OSBPL9: variants seen among roughly 807,000 people sequenced by gnomAD.
OSBPL9 encodes the protein oxysterol-binding protein-related protein 9.
A neutral mutation model predicts 106.6 loss-of-function variants in OSBPL9; 40 were observed. The observed-to-expected ratio is 0.38, with a 90% confidence interval of 0.29 to 0.49. The LOEUF is 0.49. Among genes scored for constraint, OSBPL9 ranks in the 20% least tolerant of loss-of-function variants. The probability of loss-of-function intolerance (pLI) is 0.97; values close to 1 mark genes in which losing one functional copy is unlikely to be tolerated. For missense variants in OSBPL9, 609 were observed against 887.2 expected (o/e 0.69, Z 3.98); for synonymous variants, 269 against 295.4 (o/e 0.91, Z 0.92).
At chr1:51,597,042 T>C (rs1435167882) in intron 1 of OSBPL9, among the ~76,000 whole-genome samples, 1 of 152,106 alleles carries the variant, frequency 6.6e-6, no homozygotes, top group African/African-American at 2.4e-5. Context: ...TTGGTTGCCA[T>C]GTATTCATCT....
the OSBPL9 span, among the ~76,000 whole-genome samples, chr1:51,548,881 C>T: frequency 1.3e-5 from 2 of 152,172 alleles, no homozygotes; most frequent in African/African-American, 4.8e-5. Context: ...GTAGAGCATA[C>T]ATCTGAGCAA....
chr1:51,616,870 AC>A, upstream of OSBPL9: 1 of 554,224 alleles, frequency 1.8e-6, no homozygotes, highest in South Asian at 2.4e-5. Flanking sequence ...TAATCCCATG[AC>A]AGATTATAAA....
At chr1:51,762,833 G>C (rs1005602449) in intron 11 of OSBPL9, among the ~76,000 whole-genome samples, 1 of 152,204 alleles carries the variant, frequency 6.6e-6, no homozygotes, top group African/African-American at 2.4e-5. Context: ...GGCAGGTATT[G>C]CTTGTTTTTT....
chr1:51,662,550 C>T (rs1647285062), intron 2 of OSBPL9, among the ~76,000 whole-genome samples: 1 of 151,934 alleles, frequency 6.6e-6, no homozygotes, highest in South Asian at 2.1e-4. Flanking sequence ...TGTTGGGAGT[C>T]CTAGCCAATG....
the OSBPL9 span, among the ~76,000 whole-genome samples, chr1:51,526,635 A>T: frequency 6.6e-6 from 1 of 152,138 alleles, no homozygotes; most frequent in Admixed American, 6.5e-5. Flanking sequence ...CACAATCAAC[A>T]CTGGAAGCAA....
At chr1:51,590,619 C>CAAAAAAAAA (rs572208174) in intron 1 of OSBPL9, among the ~76,000 whole-genome samples, 30 of 51,344 alleles carry the variant, frequency 5.8e-4, no homozygotes, top group South Asian at 1.3e-3. Flanking sequence ...GACTCCGTCT[C>CAAAAAAAAA]AAAAAAAAAA....
At chr1:51,739,237 T>G (rs912702448) in intron 4 of OSBPL9, among the ~76,000 whole-genome samples, 1 of 151,976 alleles carries the variant, frequency 6.6e-6, no homozygotes, top group Non-Finnish European at 1.5e-5. Context: ...AGGACTAGGT[T>G]GATATCCCAA....
intron 3 of OSBPL9, among the ~76,000 whole-genome samples, chr1:51,671,551 G>A (rs1400302366): frequency 6.6e-6 from 1 of 152,040 alleles, no homozygotes; most frequent in Admixed American, 6.6e-5. Context: ...GGATACAGTG[G>A]TATACAAAAC....
chr1:51,678,149 C>T (rs1322357094), intron 3 of OSBPL9, among the ~76,000 whole-genome samples: 1 of 152,120 alleles, frequency 6.6e-6, no homozygotes, highest in African/African-American at 2.4e-5. Flanking sequence ...CACCACTGCA[C>T]TTCAGCCTGG....
At chr1:51,777,141 C>T (rs941079616) in intron 15 of OSBPL9, among the ~76,000 whole-genome samples, 4 of 152,098 alleles carry the variant, frequency 2.6e-5, no homozygotes, top group African/African-American at 7.2e-5. Flanking sequence ...CTCAAGAGCC[C>T]GTTAATAGGT....
At chr1:51,530,404 C>T in the OSBPL9 span, among the ~76,000 whole-genome samples, 1 of 151,696 alleles carries the variant, frequency 6.6e-6, no homozygotes, top group Non-Finnish European at 1.5e-5. Flanking sequence ...AATCATATAC[C>T]TGACAAGTGA....
At chr1:51,573,767 T>C (rs967229432), upstream of OSBPL9, among the ~76,000 whole-genome samples, 3 of 150,114 alleles carry the variant, frequency 2.0e-5, no homozygotes, top group African/African-American at 7.4e-5. Context: ...TGAGCCGAGA[T>C]TGCACCATTG....
At chr1:51,764,881 A>C (rs2149080927) in intron 11 of OSBPL9, among the ~76,000 whole-genome samples, 2 of 152,312 alleles carry the variant, frequency 1.3e-5, no homozygotes, top group Admixed American at 1.3e-4. Context: ...CATTGTGCCT[A>C]GCCTGGATTC....
chr1:51,643,303 A>G (rs549804956), intron 1 of OSBPL9, among the ~76,000 whole-genome samples: 1 of 152,196 alleles, frequency 6.6e-6, no homozygotes, highest in African/African-American at 2.4e-5. Context: ...GTATTATGGG[A>G]AAAAAAGGGT....
chr1:51,551,674 C>G, the OSBPL9 span, among the ~76,000 whole-genome samples: 3 of 152,060 alleles, frequency 2.0e-5, no homozygotes, highest in Non-Finnish European at 2.9e-5. Context: ...GCAACCTCCG[C>G]CTCCTGGGCT....
Position 51,787,905 on chromosome 1 carries a change from T to C in OSBPL9, c.*116T>C. On this transcript the variant is annotated 3_prime_UTR_variant, in exon 24 of 24. Coordinates refer to ENST00000428468, the MANE Select transcript of OSBPL9 (RefSeq NM_024586.6). ...CCAATCTTCTAATTACAGTGGTTCCTATCTCAGGGATACTGGACTTTCTGA... is the reference window on the plus strand; with the variant it reads ...CCAATCTTCTAATTACAGTGGTTCCCATCTCAGGGATACTGGACTTTCTGA... The C allele has an allele frequency of 1.1e-6, 1 of 916,652 alleles. No homozygotes were observed. The highest frequency in any genetic ancestry group is 1.5e-5 in the South Asian group (1 of 66,682). 56.8% of individuals were successfully genotyped at this position (916,652 alleles called of 1,614,324 possible).
At chr1:51,672,728 T>C (rs934243100) in intron 3 of OSBPL9, among the ~76,000 whole-genome samples, 1 of 152,168 alleles carries the variant, frequency 6.6e-6, no homozygotes, top group African/African-American at 2.4e-5. Flanking sequence ...ATTCTGAAGG[T>C]TGAGCTGTAA....
rs769233741 is a variant in OSBPL9, at chr1:51,782,656, GCTC to G, written c.1513+17_1513+19del. The G allele has an allele frequency of 1.2e-6, 2 of 1,611,768 alleles. No individual in the cohort carries two copies. Among genetic ancestry groups the G allele is most frequent in the Non-Finnish European group, 1.7e-6 (2 of 1,178,018 alleles). ...CATCATCCACCCAGTAAGTTACAGAGCTCCTCTGCAACCTGTGCTCTCAAAACT... is the reference window on the plus strand; with the variant it reads ...CATCATCCACCCAGTAAGTTACAGAGCTCTGCAACCTGTGCTCTCAAAACT... On this transcript the variant is annotated intron_variant, in intron 17 of 23. Coordinates refer to ENST00000428468, the MANE Select transcript of OSBPL9 (RefSeq NM_024586.6).
intron 17 of OSBPL9, 35 bp downstream of exon 17, chr1:51,782,678 C>G (rs769899828): frequency 1.3e-6 from 2 of 1,587,368 alleles, no homozygotes; most frequent in South Asian, 1.1e-5. Flanking sequence ...CCTGTGCTCT[C>G]AAAACTATTC....
Sources: gnomAD v4.1 joint callset for allele counts (sites outside exome capture counted in the v4.1 genomes callset) on GRCh38, gnomAD v4.1.1 for gene constraint, MANE v1.5 for transcripts, NCBI Gene and HGNC (gene_info 2026-07-23, HGNC 2026-07-21) for gene names.